Variants in PARD3B observed in about 807,000 individuals in gnomAD.
PARD3B encodes the protein partitioning defective 3 homolog B.
In PARD3B, 103 loss-of-function variants were observed where a neutral mutation model predicts 130.2. That is an observed-to-expected ratio of 0.79 (90% CI 0.67 to 0.93). PARD3B has a LOEUF of 0.93. Among genes scored for constraint, PARD3B ranks in the 40% least tolerant of loss-of-function variants. PARD3B has a pLI of 0.00. For missense variants in PARD3B, 1,609 were observed against 1,499.2 expected (o/e 1.07, Z -1.21); for synonymous variants, 583 against 553.2 (o/e 1.05, Z -0.76).
chr2:204,660,415 T>G (rs2035766403), intron 1 of PARD3B, among the ~76,000 whole-genome samples: 1 of 152,202 alleles, frequency 6.6e-6, no homozygotes, highest in African/African-American at 2.4e-5. Flanking sequence ...ATGAAGTTAT[T>G]TATTGAGTAC....
intron 21 of PARD3B, among the ~76,000 whole-genome samples, chr2:205,535,837 A>G (rs1270620828): frequency 4.6e-5 from 7 of 152,336 alleles, no homozygotes; most frequent in African/African-American, 1.7e-4. Flanking sequence ...TAGTAATTAG[A>G]AACACATTAA....
chr2:204,720,535 A>G (rs1408786003), intron 2 of PARD3B, among the ~76,000 whole-genome samples: 1 of 152,196 alleles, frequency 6.6e-6, no homozygotes, highest in Non-Finnish European at 1.5e-5. Flanking sequence ...ATGAAAAAGA[A>G]ATCAGATGGC....
chr2:204,973,024 T>A (rs1691840486), intron 3 of PARD3B, among the ~76,000 whole-genome samples: 1 of 152,140 alleles, frequency 6.6e-6, no homozygotes, highest in South Asian at 2.1e-4. Context: ...GTCCTTTTAA[T>A]AAAGGGGAGG....
chr2:205,046,473 GA>G (rs1698788611), intron 3 of PARD3B, among the ~76,000 whole-genome samples: 1 of 137,426 alleles, frequency 7.3e-6, no homozygotes, highest in Admixed American at 7.2e-5. Flanking sequence ...TTCTTATCAT[GA>G]AAGAAGTTTT....
chr2:204,598,368 G>C lies in PARD3B; in HGVS notation c.120+52249G>C, dbSNP rs1574523336. 2.6e-5 allele frequency among the ~76,000 whole-genome samples: 4 copies of C among 152,208 alleles called. No individual in the cohort carries two copies. In the South Asian group the frequency reaches 8.3e-4, roughly 32 times the overall value. ...CAGAGATAACTGTTATTTATGTGCT[G>C]TTGTACATATCCTTTAGAACTCAAG... On this transcript the variant is annotated intron_variant, in intron 1 of 22. Transcript: ENST00000406610.
chr2:205,260,993 C>T (rs1402190429), intron 16 of PARD3B, among the ~76,000 whole-genome samples: 1 of 151,898 alleles, frequency 6.6e-6, no homozygotes, highest in Non-Finnish European at 1.5e-5. Flanking sequence ...ACCTAAAAGG[C>T]AATCTCAAAT....
intron 4 of PARD3B, among the ~76,000 whole-genome samples, chr2:205,089,571 C>A (rs748598430): frequency 2.6e-5 from 4 of 152,220 alleles, no homozygotes; most frequent in Non-Finnish European, 5.9e-5. Flanking sequence ...TGGCTCCTTT[C>A]ACTGTCCATG....
At chr2:204,959,489 T>C (rs1690561737) in intron 2 of PARD3B, among the ~76,000 whole-genome samples, 1 of 152,182 alleles carries the variant, frequency 6.6e-6, no homozygotes, top group South Asian at 2.1e-4. Flanking sequence ...TTTGGGTATG[T>C]ACCCAGTAAT....
intron 20 of PARD3B, 35 bp from the exon 21 acceptor site, chr2:205,499,861 C>G (rs1220381883): frequency 6.3e-7 from 1 of 1,590,944 alleles, no homozygotes; most frequent in African/African-American, 1.3e-5. Flanking sequence ...ATGATGTACA[C>G]TGTGTGAATC....
At chr2:205,364,634 T>G (rs2044530271) in intron 18 of PARD3B, among the ~76,000 whole-genome samples, 1 of 152,182 alleles carries the variant, frequency 6.6e-6, no homozygotes, top group African/African-American at 2.4e-5. Flanking sequence ...AGGCAGGGTG[T>G]GATTTTTATT....
rs938826755 is a variant in PARD3B at position 205,264,946 on chromosome 2, G to A, written c.2185+19124G>A. Among the ~76,000 whole-genome samples, 5 of 150,966 alleles carry A rather than the reference G, an allele frequency of 3.3e-5. 1 individual carries two copies. On this transcript the variant is annotated intron_variant, in intron 16 of 22. Transcript: ENST00000406610. Reference sequence around the variant, plus strand: ...TTGTAAACTGGTGATTCCTGTTTATGTGATCATAAATCTTAGTTTGCCTAC... The same window carrying A: ...TTGTAAACTGGTGATTCCTGTTTATATGATCATAAATCTTAGTTTGCCTAC...
chr2:204,633,043 A>C (rs1352254043), intron 1 of PARD3B, among the ~76,000 whole-genome samples: 1 of 152,160 alleles, frequency 6.6e-6, no homozygotes, highest in Non-Finnish European at 1.5e-5. Flanking sequence ...AGTGAACATG[A>C]GAGTTTGGAT....
At chr2:205,155,962 C>T (rs1420574000) in intron 10 of PARD3B, among the ~76,000 whole-genome samples, 1 of 152,050 alleles carries the variant, frequency 6.6e-6, no homozygotes, top group Non-Finnish European at 1.5e-5. Flanking sequence ...CACATGCACA[C>T]GTATGTTTAT....
chr2:205,476,819 A>T (rs1197429503), intron 20 of PARD3B, among the ~76,000 whole-genome samples: 1 of 152,164 alleles, frequency 6.6e-6, no homozygotes, highest in Non-Finnish European at 1.5e-5. Context: ...TGAAGAATTT[A>T]TCCCCTAATC....
chr2:205,560,979 G>C (rs1377999259), intron 22 of PARD3B, among the ~76,000 whole-genome samples: 1 of 152,154 alleles, frequency 6.6e-6, no homozygotes, highest in African/African-American at 2.4e-5. Flanking sequence ...TGTTTCAGTT[G>C]GTTCATTTTA....
At chr2:205,513,703 C>T (rs974454285) in intron 21 of PARD3B, among the ~76,000 whole-genome samples, 2 of 152,058 alleles carry the variant, frequency 1.3e-5, no homozygotes, top group East Asian at 1.9e-4. Context: ...TAGACCTTTA[C>T]TCAGTGGCAA....
intron 18 of PARD3B, among the ~76,000 whole-genome samples, chr2:205,380,058 ACT>A (rs1362065840): frequency 1.5e-5 from 2 of 136,866 alleles, no homozygotes; most frequent in Admixed American, 1.7e-4. Context: ...ACAGAATGAG[ACT>A]CTGCCTCAAA....
intron 20 of PARD3B, among the ~76,000 whole-genome samples, chr2:205,468,186 A>G (rs1287643944): frequency 1.3e-5 from 2 of 152,236 alleles, no homozygotes; most frequent in African/African-American, 4.8e-5. Context: ...GATATGGAAT[A>G]TGTGTAATCC....
At chr2:204,848,997 G>T (rs1257261236) in intron 2 of PARD3B, among the ~76,000 whole-genome samples, 1 of 151,956 alleles carries the variant, frequency 6.6e-6, no homozygotes, top group Non-Finnish European at 1.5e-5. Flanking sequence ...TCTTTAAGTT[G>T]TTTTCTAATT....
Sources: gnomAD v4.1 joint callset for allele counts (sites outside exome capture counted in the v4.1 genomes callset) on GRCh38, gnomAD v4.1.1 for gene constraint, MANE v1.5 for transcripts, NCBI Gene and HGNC (gene_info 2026-07-23, HGNC 2026-07-21) for gene names.